FAS: variants seen among roughly 807,000 people sequenced by gnomAD.
FAS encodes tumor necrosis factor receptor superfamily member 6.
Under a neutral mutation model 33.2 loss-of-function variants are expected in FAS, and 5 were observed. That is an observed-to-expected ratio of 0.15 (90% confidence interval 0.08 to 0.32). The LOEUF is 0.32. Among genes scored for constraint, FAS ranks in the 10% least tolerant of loss-of-function variants. The pLI is 1.00. For synonymous variants in FAS, 131 were observed against 130.7 expected (o/e 1.00, Z -0.01); for missense variants, 339 against 386.0 (o/e 0.88, Z 1.02).
intron 1 of FAS, among the ~76,000 whole-genome samples, chr10:88,993,281 A>G (rs10887877): frequency 0.57 from 86,969 of 151,804 alleles, 26,259 homozygotes; most frequent in African/African-American, 0.78. Context: ...TTACAAATTA[A>G]TTTGAGAAAT....
At chr10:88,987,121 A>C (rs1471397775), upstream of FAS, among the ~76,000 whole-genome samples, 1 of 152,226 alleles carries the variant, frequency 6.6e-6, no homozygotes, top group Non-Finnish European at 1.5e-5. Context: ...AGACTTTGTC[A>C]CTTGGCCACT....
chr10:88,999,439 T>C (rs2133448368), intron 1 of FAS, among the ~76,000 whole-genome samples: 1 of 152,342 alleles, frequency 6.6e-6, no homozygotes, highest in East Asian at 1.9e-4. Flanking sequence ...AGCTAAGCAT[T>C]TTATTTTATT....
intron 1 of FAS, 152 bp from the exon 2 acceptor site, chr10:89,002,877 T>C (rs1353609724): frequency 1.3e-6 from 1 of 799,582 alleles, no homozygotes; most frequent in South Asian, 1.5e-5. Context: ...CCTGCTGCTT[T>C]CTTGGAGAGA....
At position 89,007,857 on chromosome 10, in the gene FAS, A is replaced by T; in HGVS notation, c.334+20A>T. 1.2e-6 allele frequency: 2 copies of T among 1,613,628 alleles called. No individual in the cohort carries two copies. The highest frequency in any genetic ancestry group is 1.7e-6 in the Non-Finnish European group (2 of 1,179,778). On this transcript the variant is annotated intron_variant, in intron 3 of 8. Coordinates refer to ENST00000652046, the MANE Select transcript of FAS (RefSeq NM_000043.6). ...GACATGGTAAGAGTCTTAAAATGCA[A>T]TTGAAAGAGGCCAATCTTGGAATTT... is the stretch of plus-strand genomic sequence containing the variant.
chr10:89,003,669 C>CT (rs1319496770), intron 2 of FAS, among the ~76,000 whole-genome samples: 1 of 152,084 alleles, frequency 6.6e-6, no homozygotes, highest in Non-Finnish European at 1.5e-5. Flanking sequence ...AGCTGAATAA[C>CT]TAGACGAATA....
intron 2 of FAS, among the ~76,000 whole-genome samples, chr10:89,005,567 A>G (rs1848181749): frequency 6.6e-6 from 1 of 152,058 alleles, no homozygotes; most frequent in South Asian, 2.1e-4. Context: ...GTATGTATGT[A>G]TTATATGCAT....
chr10:88,969,098 CTTATT>C (rs964154496), intron 1 of FAS, among the ~76,000 whole-genome samples: 3 of 151,942 alleles, frequency 2.0e-5, no homozygotes, highest in African/African-American at 7.3e-5. Flanking sequence ...TTTTTTCTCT[CTTATT>C]AAATAATACT....
rs1848713105 is a variant in FAS at position 89,014,759 on chromosome 10, A to G, written c.*309A>G. On this transcript the variant is annotated 3_prime_UTR_variant, in exon 9 of 9. Transcript: ENST00000652046. Reference sequence around the variant, plus strand: ...GGCATCTAACATATGATTCTGTAGTATGAATGTAATCAGTGTATGTTAGTA... The same window carrying G: ...GGCATCTAACATATGATTCTGTAGTGTGAATGTAATCAGTGTATGTTAGTA... 1.7e-6 allele frequency: 1 copy of G among 575,076 alleles called. No homozygotes were observed. The highest frequency in any genetic ancestry group is 3.3e-6 in the Non-Finnish European group (1 of 304,658). The allele number at this position is 575,076 out of a possible 1,614,324, so 35.6% of individuals were successfully genotyped here.
intron 1 of FAS, chr10:88,973,078 TC>T (rs1846486023): frequency 1.5e-6 from 2 of 1,330,392 alleles, no homozygotes; most frequent in Non-Finnish European, 2.0e-6. Context: ...ACTTAGTCTT[TC>T]AAAAAATAAT....
chr10:88,984,458 CAT>C (rs915704938), upstream of FAS, among the ~76,000 whole-genome samples: 4 of 152,214 alleles, frequency 2.6e-5, no homozygotes, highest in Non-Finnish European at 4.4e-5. Flanking sequence ...ACACTAGTGT[CAT>C]ATGTCAAGTG....
Position 89,015,218 on chromosome 10 carries a change from G to A in FAS, c.*768G>A. 2 of 534,670 alleles carry A rather than the reference G, an allele frequency of 3.7e-6. No individual in the cohort carries two copies. Among genetic ancestry groups the A allele is most frequent in the Non-Finnish European group, 7.2e-6 (2 of 276,660 alleles). The allele number at this position is 534,670 out of a possible 1,614,324, so 33.1% of individuals were successfully genotyped here. ...TTGCCACCTCTCCATTTTTGCCTTG[G>A]TGCTCATCTTAATGGCCTAATGCAC... On this transcript the variant is annotated 3_prime_UTR_variant, in exon 9 of 9. Transcript: ENST00000652046.
At chr10:88,970,995 A>G (rs542584624) in intron 1 of FAS, among the ~76,000 whole-genome samples, 1 of 152,288 alleles carries the variant, frequency 6.6e-6, no homozygotes, top group East Asian at 1.9e-4. Context: ...CCTCCGCCCA[A>G]AGGCAATAAA....
intron 1 of FAS, among the ~76,000 whole-genome samples, chr10:88,972,581 C>G (rs923019593): frequency 6.6e-6 from 1 of 151,138 alleles, no homozygotes; most frequent in East Asian, 1.9e-4. Flanking sequence ...TGTAATTTAT[C>G]TATTAGCTTT....
intron 2 of FAS, among the ~76,000 whole-genome samples, chr10:88,977,908 CAA>C (rs1846608977): frequency 5.1e-5 from 4 of 78,336 alleles, no homozygotes; most frequent in African/African-American, 1.5e-4. Flanking sequence ...GGTATATACC[CAA>C]AGGACTATAA....
chr10:89,012,297 C>T lies in FAS; in HGVS notation c.651+216C>T, dbSNP rs1848573352. 1.6e-5 allele frequency: 8 copies of T among 504,200 alleles called. No individual in the cohort carries two copies. In the South Asian group the frequency reaches 1.6e-4, roughly 10 times the overall value. 31.2% of individuals were successfully genotyped at this position (504,200 alleles called of 1,614,324 possible). The stretch of plus-strand genomic sequence containing the variant: ...GGCTCAAGTGATCCTCCTGCCTCAA[C>T]TGTGACCCTGGGACTACAGGCATGC... On this transcript the variant is annotated intron_variant, in intron 7 of 8. Coordinates refer to ENST00000652046, the MANE Select transcript of FAS (RefSeq NM_000043.6).
At position 89,015,228 on chromosome 10, in the gene FAS, T is replaced by C; in HGVS notation, c.*778T>C. 1 of 534,850 alleles carries C rather than the reference T, an allele frequency of 1.9e-6. No individual in the cohort carries two copies. The highest frequency in any genetic ancestry group is 3.6e-6 in the Non-Finnish European group (1 of 276,714). The allele number at this position is 534,850 out of a possible 1,614,324, so 33.1% of individuals were successfully genotyped here. On this transcript the variant is annotated 3_prime_UTR_variant, in exon 9 of 9. Transcript: ENST00000652046. ...TCCATTTTTGCCTTGGTGCTCATCT[T>C]AATGGCCTAATGCACCCCCAAACAT...
At chr10:88,998,719 C>A (rs184596680) in intron 1 of FAS, among the ~76,000 whole-genome samples, 142 of 152,278 alleles carry the variant, frequency 9.3e-4, no homozygotes, top group African/African-American at 3.3e-3. Context: ...CCATCTCTAT[C>A]AGAAAAGGGG....
chr10:88,973,179 T>C (rs760355829), intron 1 of FAS: 4 of 1,612,110 alleles, frequency 2.5e-6, no homozygotes, highest in East Asian at 2.2e-5. Flanking sequence ...GTGTGACCTA[T>C]AGATTCAGAA....
At chr10:88,988,820 A>G (rs1488798941), upstream of FAS, among the ~76,000 whole-genome samples, 2 of 152,214 alleles carry the variant, frequency 1.3e-5, no homozygotes, top group Non-Finnish European at 2.9e-5. Context: ...ACCCTTTGAC[A>G]TTAGCATACT....
Sources: allele counts gnomAD v4.1 joint callset (sites outside exome capture counted in the v4.1 genomes callset), GRCh38; gene constraint gnomAD v4.1.1; transcripts MANE v1.5; gene names NCBI Gene and HGNC (gene_info 2026-07-23, HGNC 2026-07-21).